Variants in PRKCA observed in about 807,000 individuals in gnomAD.
The protein encoded by PRKCA is protein kinase C alpha type.
Under a neutral mutation model 87.0 loss-of-function variants are expected in PRKCA, and 27 were observed. The observed-to-expected ratio is 0.31, with a 90% CI of 0.23 to 0.43. The LOEUF is 0.43. PRKCA is among the 20% of genes least tolerant of loss of function. The probability of loss-of-function intolerance (pLI) is 1.00; values close to 1 mark genes in which losing one functional copy is unlikely to be tolerated. For synonymous variants in PRKCA, 329 were observed against 311.1 expected (o/e 1.06, Z -0.61); for missense variants, 518 against 852.3 (o/e 0.61, Z 4.88).
chr17:66,392,735 A>G lies in PRKCA; in HGVS notation c.205+86608A>G, dbSNP rs558842615. 1.2e-4 allele frequency among the ~76,000 whole-genome samples: 18 copies of G among 152,320 alleles called. No homozygotes were observed. The South Asian group carries it at 1.5e-3, about 12-fold the overall frequency. The stretch of plus-strand genomic sequence containing the variant: ...ACCAAAATTCAATTTTTGCATTTTA[A>G]TAATAGCTTAATTTTGTGATTATGC... On this transcript the variant is annotated intron_variant, in intron 2 of 16. Coordinates refer to ENST00000413366, the MANE Select transcript of PRKCA (RefSeq NM_002737.3).
intron 3 of PRKCA, among the ~76,000 whole-genome samples, chr17:66,511,987 T>C (rs540383270): frequency 9.9e-5 from 15 of 152,236 alleles, no homozygotes; most frequent in African/African-American, 3.4e-4. Flanking sequence ...AGCTGTCAGA[T>C]AGTGAACTTC....
intron 3 of PRKCA, among the ~76,000 whole-genome samples, chr17:66,602,768 G>C (rs1395995047): frequency 1.3e-5 from 2 of 152,174 alleles, no homozygotes; most frequent in Non-Finnish European, 2.9e-5. Flanking sequence ...ATGCTACAGA[G>C]ACAGCCAAGT....
chr17:66,738,930 C>G (rs923367958), intron 11 of PRKCA, 75 bp downstream of exon 11: 24 of 1,161,760 alleles, frequency 2.1e-5, no homozygotes, highest in East Asian at 1.8e-4. Context: ...TTTTCCCCCC[C>G]GCTTGAGATT....
chr17:66,516,958 C>T (rs1267668695), intron 3 of PRKCA, among the ~76,000 whole-genome samples: 2 of 152,200 alleles, frequency 1.3e-5, no homozygotes, highest in Admixed American at 6.5e-5. Context: ...AATAGCTCAG[C>T]TCCTCCTGTG....
intron 2 of PRKCA, among the ~76,000 whole-genome samples, chr17:66,378,624 G>T (rs375295987): frequency 6.6e-6 from 1 of 152,120 alleles, no homozygotes; most frequent in Admixed American, 6.5e-5. Flanking sequence ...AGCAGGCTGG[G>T]CGTAAAGTCT....
chr17:66,666,511 TC>T (rs1972046639), intron 5 of PRKCA, among the ~76,000 whole-genome samples: 1 of 152,164 alleles, frequency 6.6e-6, no homozygotes, highest in African/African-American at 2.4e-5. Flanking sequence ...CCTCTCTCCT[TC>T]AGGGGACTTT....
rs1480939828 is a variant in PRKCA at position 66,476,369 on chromosome 17, G to A, written c.206-19832G>A. On this transcript the variant is annotated intron_variant, in intron 2 of 16. Transcript: ENST00000413366. Reference sequence around the variant, plus strand: ...GGGCATGTTGCCTCCCTGCTGCACAGCACTTCCTGCCACTGTCCTGGTCAA... The same window carrying A: ...GGGCATGTTGCCTCCCTGCTGCACAACACTTCCTGCCACTGTCCTGGTCAA... Among the ~76,000 whole-genome samples the A allele has an allele frequency of 3.9e-5, 6 of 152,200 alleles. 1 individual carries two copies. Among genetic ancestry groups the A allele is most frequent in the Non-Finnish European group, 8.8e-5 (6 of 68,038 alleles).
At chr17:66,530,216 C>T (rs1273029105) in intron 3 of PRKCA, among the ~76,000 whole-genome samples, 1 of 152,084 alleles carries the variant, frequency 6.6e-6, no homozygotes, top group Non-Finnish European at 1.5e-5. Flanking sequence ...ACATTCATGC[C>T]CATTGAGACA....
At chr17:66,703,849 A>G (rs954037167) in intron 8 of PRKCA, 2 of 152,182 alleles carry the variant, frequency 1.3e-5, no homozygotes, top group Admixed American at 1.3e-4. Context: ...AAAATATAGT[A>G]TAGTGAATAC....
chr17:66,641,790 TTCCACCGCCAGG>T (rs1428275690), intron 4 of PRKCA, among the ~76,000 whole-genome samples: 3 of 151,882 alleles, frequency 2.0e-5, no homozygotes, highest in Non-Finnish European at 4.4e-5. Context: ...CAAAGAAGAC[TTCCACCGCCAGG>T]TCCACATTTG....
intron 3 of PRKCA, among the ~76,000 whole-genome samples, chr17:66,570,335 T>C (rs1969040147): frequency 6.6e-6 from 1 of 152,230 alleles, no homozygotes; most frequent in Admixed American, 6.5e-5. Flanking sequence ...TCCATCAGGC[T>C]GCATATTATG....
intron 3 of PRKCA, among the ~76,000 whole-genome samples, chr17:66,536,586 T>A (rs968865631): frequency 1.1e-4 from 17 of 152,226 alleles, no homozygotes; most frequent in Non-Finnish European, 1.9e-4. Context: ...ACCTTGGGCT[T>A]CTTGCTTAAC....
At chr17:66,450,395 G>A (rs181722479) in intron 2 of PRKCA, among the ~76,000 whole-genome samples, 60 of 152,294 alleles carry the variant, frequency 3.9e-4, no homozygotes, top group Middle Eastern at 3.4e-3. Flanking sequence ...AGTAAAACGA[G>A]TTAGAAATGC....
intron 3 of PRKCA, among the ~76,000 whole-genome samples, chr17:66,614,518 T>TA (rs1970463799): frequency 6.6e-6 from 1 of 152,216 alleles, no homozygotes; most frequent in South Asian, 2.1e-4. Context: ...TCCTACCTGT[T>TA]ACCATATCTG....
At chr17:66,711,480 A>G (rs73329727) in intron 8 of PRKCA, among the ~76,000 whole-genome samples, 21,218 of 152,096 alleles carry the variant, frequency 0.14, 1,783 homozygotes, top group East Asian at 0.28. Context: ...TCCCCAAACT[A>G]TGGAGGGGAA....
chr17:66,435,758 A>C (rs989555094), intron 2 of PRKCA, among the ~76,000 whole-genome samples: 4 of 152,000 alleles, frequency 2.6e-5, no homozygotes, highest in Non-Finnish European at 4.4e-5. Flanking sequence ...TTTTTGGGGG[A>C]GGGGGGTGGT....
chr17:66,686,462 G>A (rs1972631027), intron 5 of PRKCA, among the ~76,000 whole-genome samples: 1 of 152,192 alleles, frequency 6.6e-6, no homozygotes, highest in South Asian at 2.1e-4. Context: ...ACTGTATACA[G>A]CAGTGGTGCT....
chr17:66,332,229 C>CTTTT (rs59302970), intron 2 of PRKCA, among the ~76,000 whole-genome samples: 2,496 of 129,878 alleles, frequency 0.019, 99 homozygotes, highest in African/African-American at 0.073. Flanking sequence ...TTCCTTCCTT[C>CTTTT]TTTTTTTTTT....
Position 66,394,424 on chromosome 17 carries a change from G to A in PRKCA, c.205+88297G>A, listed in dbSNP as rs146007888. ...TAGCAGAGGAGCTGGCTCACTGGGG[G>A]ATGAGACTCACCGATGGCAGTGTGG... On this transcript the variant is annotated intron_variant, in intron 2 of 16. Transcript: ENST00000413366. Among the ~76,000 whole-genome samples, 46 of 152,306 alleles carry A rather than the reference G, an allele frequency of 3.0e-4. No homozygotes were observed. The East Asian group carries it at 4.6e-3, about 15-fold the overall frequency.
Sources: allele counts gnomAD v4.1 joint callset (sites outside exome capture counted in the v4.1 genomes callset), GRCh38; gene constraint gnomAD v4.1.1; transcripts MANE v1.5; gene names NCBI Gene and HGNC (gene_info 2026-07-23, HGNC 2026-07-21).